The following GRIP1 variants were observed in gnomAD, a reference collection of about 807,000 sequenced individuals.
The protein encoded by GRIP1 is glutamate receptor interacting protein 1, also known as glutamate receptor-interacting protein 1.
Under a neutral mutation model 129.9 loss-of-function variants are expected in GRIP1, and 45 were observed. The observed-to-expected ratio is 0.35, with a 90% confidence interval of 0.27 to 0.44. GRIP1 has a LOEUF of 0.44. Among genes scored for constraint, GRIP1 ranks in the 20% least tolerant of loss-of-function variants. The pLI, the probability that GRIP1 is intolerant of heterozygous loss-of-function variation, is 1.00. For missense variants in GRIP1, 1,196 were observed against 1,396.8 expected (o/e 0.86, Z 2.29); for synonymous variants, 530 against 520.8 (o/e 1.02, Z -0.24).
intron 1 of GRIP1, among the ~76,000 whole-genome samples, chr12:66,618,229 T>A (rs1246810576): frequency 2.6e-5 from 4 of 152,112 alleles, no homozygotes; most frequent in South Asian, 2.1e-4. Flanking sequence ...CATGCAAAGA[T>A]CTCCAAGATA....
intron 1 of GRIP1, among the ~76,000 whole-genome samples, chr12:67,066,880 A>ATTTATATTTT (rs2043634361): frequency 2.4e-5 from 1 of 41,960 alleles, no homozygotes; most frequent in African/African-American, 7.3e-5. Flanking sequence ...CTCAGTTTAA[A>ATTTATATTTT]TATATATTTA....
chr12:66,729,693 C>G (rs1165061423), intron 1 of GRIP1, among the ~76,000 whole-genome samples: 1 of 152,114 alleles, frequency 6.6e-6, no homozygotes, highest in Admixed American at 6.6e-5. Flanking sequence ...CCTGCCTCAG[C>G]CTCCCCAGTA....
At chr12:67,051,937 C>T (rs956994378) in intron 1 of GRIP1, among the ~76,000 whole-genome samples, 2 of 152,114 alleles carry the variant, frequency 1.3e-5, no homozygotes, top group Non-Finnish European at 2.9e-5. Flanking sequence ...TCACATTGCA[C>T]AAAGCTATTC....
chr12:66,624,808 A>T (rs1371704069), intron 1 of GRIP1, among the ~76,000 whole-genome samples: 1 of 152,178 alleles, frequency 6.6e-6, no homozygotes, highest in Non-Finnish European at 1.5e-5. Flanking sequence ...TAATTATTTC[A>T]TTTAGCACGA....
chr12:66,369,131 C>T (rs1416691584), intron 23 of GRIP1, among the ~76,000 whole-genome samples: 1 of 152,042 alleles, frequency 6.6e-6, no homozygotes, highest in Admixed American at 6.6e-5. Flanking sequence ...CTTCATGGGA[C>T]ATGTATGTAT....
At chr12:66,633,818 T>C (rs1206695334) in intron 1 of GRIP1, among the ~76,000 whole-genome samples, 3 of 152,210 alleles carry the variant, frequency 2.0e-5, no homozygotes, top group Non-Finnish European at 4.4e-5. Context: ...CTCATCTCTA[T>C]TGGCAAGGTC....
intron 1 of GRIP1, among the ~76,000 whole-genome samples, chr12:66,618,063 G>A (rs763020355): frequency 5.3e-5 from 8 of 151,932 alleles, no homozygotes; most frequent in Non-Finnish European, 8.8e-5. Context: ...AAATATATTC[G>A]TTATAGCAAT....
At chr12:66,395,477 A>G (rs2056753172) in intron 16 of GRIP1, among the ~76,000 whole-genome samples, 1 of 152,250 alleles carries the variant, frequency 6.6e-6, no homozygotes, top group African/African-American at 2.4e-5. Flanking sequence ...TAAAATAAGG[A>G]GGAAAACCAA....
chr12:66,843,710 A>G (rs1275501672), intron 1 of GRIP1, among the ~76,000 whole-genome samples: 1 of 152,180 alleles, frequency 6.6e-6, no homozygotes, highest in Non-Finnish European at 1.5e-5. Context: ...GGGGAAAGGA[A>G]AAACTTTTTA....
chr12:66,954,176 T>C (rs767180581), intron 1 of GRIP1, among the ~76,000 whole-genome samples: 1 of 152,180 alleles, frequency 6.6e-6, no homozygotes, highest in Non-Finnish European at 1.5e-5. Flanking sequence ...ATCCCTTCTG[T>C]CTCATCTCTT....
chr12:66,958,197 T>C (rs1306716304), intron 1 of GRIP1, among the ~76,000 whole-genome samples: 1 of 152,194 alleles, frequency 6.6e-6, no homozygotes, highest in Non-Finnish European at 1.5e-5. Flanking sequence ...TACAGTGCAG[T>C]GGCACAATCA....
chr12:66,461,500 C>G (rs10219463), intron 9 of GRIP1, among the ~76,000 whole-genome samples: 1 of 152,032 alleles, frequency 6.6e-6, no homozygotes, highest in African/African-American at 2.4e-5. Flanking sequence ...TCCTTGTGAA[C>G]GGCACCTTCC....
chr12:66,654,776 GGAAA>G (rs2033037458), intron 1 of GRIP1, among the ~76,000 whole-genome samples: 1 of 152,102 alleles, frequency 6.6e-6, no homozygotes, highest in African/African-American at 2.4e-5. Flanking sequence ...CAATAAAGAT[GGAAA>G]GAGATGTTTT....
chr12:66,414,727 G>A (rs563199445), intron 15 of GRIP1, among the ~76,000 whole-genome samples: 15 of 151,824 alleles, frequency 9.9e-5, no homozygotes, highest in Non-Finnish European at 1.5e-4. Context: ...AAAACAGCAC[G>A]GTACTGGTAC....
chr12:66,615,563 A>G (rs1376346011), intron 1 of GRIP1, among the ~76,000 whole-genome samples: 1 of 152,202 alleles, frequency 6.6e-6, no homozygotes, highest in Non-Finnish European at 1.5e-5. Flanking sequence ...GCAAGTAAAA[A>G]TAGGACTTTG....
chr12:66,401,609 T>TATATATATATATATATATACACAC (rs1169241331), intron 16 of GRIP1, among the ~76,000 whole-genome samples: 1 of 110,186 alleles, frequency 9.1e-6, no homozygotes, highest in Non-Finnish European at 1.8e-5. Context: ...TATATATATA[T>TATATATATATATATATATACACAC]ACACACACAC....
intron 9 of GRIP1, among the ~76,000 whole-genome samples, chr12:66,459,514 G>A (rs1363448715): frequency 6.6e-6 from 1 of 152,056 alleles, no homozygotes; most frequent in Non-Finnish European, 1.5e-5. Context: ...AAAATTACTG[G>A]GCATTTGTTA....
chr12:66,594,174 G>A (rs1171434348), intron 2 of GRIP1, among the ~76,000 whole-genome samples: 2 of 152,054 alleles, frequency 1.3e-5, no homozygotes, highest in African/African-American at 2.4e-5. Context: ...ACTTGGGAGG[G>A]GCCTCTGCAT....
chr12:66,800,816 T>C (rs558131681), intron 1 of GRIP1, among the ~76,000 whole-genome samples: 2 of 152,188 alleles, frequency 1.3e-5, no homozygotes, highest in South Asian at 4.2e-4. Context: ...AAATGAATCA[T>C]CTTTGTGAGA....
Sources: gnomAD v4.1 joint callset for allele counts (sites outside exome capture counted in the v4.1 genomes callset) on GRCh38, gnomAD v4.1.1 for gene constraint, MANE v1.5 for transcripts, NCBI Gene and HGNC (gene_info 2026-07-23, HGNC 2026-07-21) for gene names.